The following CSGALNACT1 variants were observed in gnomAD, a reference collection of about 807,000 sequenced individuals.
CSGALNACT1 encodes the protein beta4GalNAcT-1.
CSGALNACT1 carries 52 observed loss-of-function variants against 51.0 expected under a neutral mutation model. The observed-to-expected ratio is 1.02, with a 90% CI of 0.82 to 1.29. CSGALNACT1 has a LOEUF of 1.29. CSGALNACT1 is among the 50% of genes most tolerant of loss of function. CSGALNACT1 has a pLI of 0.00. For missense variants in CSGALNACT1, 935 were observed against 679.2 expected (o/e 1.38, Z -4.19); for synonymous variants, 341 against 254.4 (o/e 1.34, Z -3.24).
intron 8 of CSGALNACT1, among the ~76,000 whole-genome samples, chr8:19,414,414 T>G (rs537659988): frequency 1.4e-4 from 22 of 152,352 alleles, no homozygotes; most frequent in African/African-American, 5.1e-4. Flanking sequence ...AATGTTTGTT[T>G]AAATTATAGT....
intron 4 of CSGALNACT1, among the ~76,000 whole-genome samples, chr8:19,465,157 T>C (rs1423631260): frequency 6.6e-6 from 1 of 152,202 alleles, no homozygotes; most frequent in African/African-American, 2.4e-5. Flanking sequence ...AGAGTACCAT[T>C]CTGCCTTAAC....
intron 6 of CSGALNACT1, among the ~76,000 whole-genome samples, chr8:19,423,158 T>G (rs2058215895): frequency 6.6e-6 from 1 of 152,202 alleles, no homozygotes; most frequent in South Asian, 2.1e-4. Context: ...CAAGTGACTT[T>G]TGCCAAGGGA....
At chr8:19,594,220 G>A (rs1255621516) in intron 2 of CSGALNACT1, among the ~76,000 whole-genome samples, 1 of 152,166 alleles carries the variant, frequency 6.6e-6, no homozygotes, top group East Asian at 1.9e-4. Context: ...CGGAAAAGGA[G>A]ATTATGAAGA....
chr8:19,456,546 T>C (rs144386199), intron 5 of CSGALNACT1, among the ~76,000 whole-genome samples: 157 of 152,322 alleles, frequency 1.0e-3, no homozygotes, highest in Middle Eastern at 6.8e-3. Flanking sequence ...GGAGATGTAA[T>C]GTTTAATCAA....
At chr8:19,710,498 CAA>C (rs1176192755) in intron 1 of CSGALNACT1, among the ~76,000 whole-genome samples, 5 of 152,106 alleles carry the variant, frequency 3.3e-5, no homozygotes, top group African/African-American at 1.2e-4. Context: ...GGGAGAGGAA[CAA>C]AGAGTACATT....
intron 4 of CSGALNACT1, among the ~76,000 whole-genome samples, chr8:19,500,979 G>A (rs926996875): frequency 1.3e-5 from 2 of 152,182 alleles, no homozygotes; most frequent in African/African-American, 4.8e-5. Flanking sequence ...GCCGGGCACG[G>A]TGGCTCACGC....
chr8:19,548,838 G>T (rs1298212089), intron 3 of CSGALNACT1, among the ~76,000 whole-genome samples: 1 of 152,040 alleles, frequency 6.6e-6, no homozygotes, highest in African/African-American at 2.4e-5. Flanking sequence ...CCCTTTATTT[G>T]AGAGAGGTCC....
intron 1 of CSGALNACT1, among the ~76,000 whole-genome samples, chr8:19,674,158 T>G (rs925138498): frequency 2.6e-5 from 4 of 152,118 alleles, no homozygotes; most frequent in African/African-American, 9.7e-5. Flanking sequence ...CCAGGTGTGG[T>G]GGCGGACAAC....
At chr8:19,741,230 G>A (rs772843260) in intron 1 of CSGALNACT1, among the ~76,000 whole-genome samples, 35 of 152,284 alleles carry the variant, frequency 2.3e-4, no homozygotes, top group Admixed American at 5.9e-4. Flanking sequence ...GTACTCCAGA[G>A]CTCCCTATAG....
rs139444840 is a variant in CSGALNACT1 at position 19,575,814 on chromosome 8, T to G, written c.-297+15346A>C. 4.1e-3 allele frequency among the ~76,000 whole-genome samples: 617 copies of G among 152,288 alleles called. 12 individuals carry two copies. Among genetic ancestry groups the G allele is most frequent in the Admixed American group, 0.035 (529 of 15,282 alleles). On this transcript the variant is annotated intron_variant, in intron 3 of 9. Transcript: ENST00000454498. ...AAACAAAATAAAAGTTGCGGAGGCT[T>G]AGATGAAGTAAGATTGGAAAAATGT...
intron 5 of CSGALNACT1, among the ~76,000 whole-genome samples, chr8:19,443,073 T>G (rs2061575768): frequency 6.6e-6 from 1 of 152,166 alleles, no homozygotes; most frequent in African/African-American, 2.4e-5. Flanking sequence ...ACCATTCGGC[T>G]GCACCCTCCT....
chr8:19,548,266 T>C (rs1232118461), intron 3 of CSGALNACT1, among the ~76,000 whole-genome samples: 1 of 152,164 alleles, frequency 6.6e-6, no homozygotes, highest in Non-Finnish European at 1.5e-5. Flanking sequence ...ATATTGAAAA[T>C]AAAGTTAGAC....
At chr8:19,459,333 A>C (rs2064846382) in intron 4 of CSGALNACT1, among the ~76,000 whole-genome samples, 1 of 147,944 alleles carries the variant, frequency 6.8e-6, no homozygotes, top group South Asian at 2.2e-4. Flanking sequence ...GAGTGAGCCA[A>C]GTTTGTACCA....
chr8:19,749,036 C>T (rs1471304839), intron 1 of CSGALNACT1, among the ~76,000 whole-genome samples: 8 of 151,816 alleles, frequency 5.3e-5, no homozygotes, highest in Admixed American at 3.3e-4. Flanking sequence ...TGCATGACTC[C>T]GTCTCCCAGG....
At position 19,418,637 on chromosome 8, in the gene CSGALNACT1, C is replaced by G. The variant is rs746891603; in HGVS notation, c.1227+19G>C. ...ACTAAACAGAGCCACACAGAGCCAT[C>G]TGCAGGGTAATTACTCACCAGCTGC... On this transcript the variant is annotated intron_variant, in intron 8 of 9. Coordinates refer to ENST00000454498, the Ensembl canonical transcript of CSGALNACT1. 9 of 1,541,926 alleles carry G rather than the reference C, an allele frequency of 5.8e-6. No homozygotes were observed. The highest frequency in any genetic ancestry group is 5.4e-5 in the African/African-American group (4 of 73,418).
intron 3 of CSGALNACT1, among the ~76,000 whole-genome samples, 188 bp from the exon 3 acceptor site, chr8:19,506,318 C>T (rs764190965): frequency 3.3e-5 from 5 of 152,086 alleles, no homozygotes; most frequent in Non-Finnish European, 7.4e-5. Flanking sequence ...CGCAAATAAG[C>T]AACAAAGGAC....
intron 3 of CSGALNACT1, among the ~76,000 whole-genome samples, chr8:19,517,841 A>G (rs542565895): frequency 6.6e-6 from 1 of 151,360 alleles, no homozygotes; most frequent in Non-Finnish European, 1.5e-5. Flanking sequence ...AGGAGCTACA[A>G]TTCAAGATGA....
chr8:19,609,586 T>C (rs1251865981), intron 1 of CSGALNACT1, among the ~76,000 whole-genome samples: 3 of 148,546 alleles, frequency 2.0e-5, no homozygotes, highest in Non-Finnish European at 4.4e-5. Flanking sequence ...ACCCAACAAA[T>C]AGAATACATA....
chr8:19,598,930 C>T (rs2049595583), intron 2 of CSGALNACT1, among the ~76,000 whole-genome samples: 1 of 152,162 alleles, frequency 6.6e-6, no homozygotes. Context: ...AAGAGCCAGG[C>T]ACTGGTCCTC....
Sources: gnomAD v4.1 joint callset for allele counts (sites outside exome capture counted in the v4.1 genomes callset) on GRCh38, gnomAD v4.1.1 for gene constraint, MANE v1.5 for transcripts, NCBI Gene and HGNC (gene_info 2026-07-23, HGNC 2026-07-21) for gene names.